MYO1E: variants seen among roughly 807,000 people sequenced by gnomAD.
MYO1E encodes unconventional myosin-Ie.
In MYO1E, 68 loss-of-function variants were observed where a neutral mutation model predicts 151.1. That is an observed-to-expected ratio of 0.45 (90% CI 0.37 to 0.55). MYO1E has a LOEUF of 0.55. MYO1E is among the 20% of genes least tolerant of loss of function. The probability of loss-of-function intolerance (pLI) is 0.00; values close to 1 mark genes in which losing one functional copy is unlikely to be tolerated. For missense variants in MYO1E, 1,363 were observed against 1,389.3 expected (o/e 0.98, Z 0.30); for synonymous variants, 601 against 501.7 (o/e 1.20, Z -2.64).
intron 1 of MYO1E, among the ~76,000 whole-genome samples, chr15:59,371,533 T>C (rs559723665): frequency 2.0e-5 from 3 of 149,214 alleles, no homozygotes; most frequent in African/African-American, 7.4e-5. Flanking sequence ...CCAAGGGAGG[T>C]GGCTAAGGTT....
chr15:59,365,258 A>T (rs1175598494), intron 1 of MYO1E, among the ~76,000 whole-genome samples: 1 of 152,042 alleles, frequency 6.6e-6, no homozygotes, highest in Non-Finnish European at 1.5e-5. Flanking sequence ...ACCTCAGGTG[A>T]TCCCTCCACC....
Position 59,372,738 on chromosome 15 carries a change from G to C in MYO1E, c.-238C>G, listed in dbSNP as rs565532409. ...TAGCAGGCGGGGCGCATGCTGCGGA[G>C]GGCAAGAGTCCACTCGTACTCGCCG... On this transcript the variant is annotated 5_prime_UTR_variant, in exon 1 of 28. Coordinates refer to ENST00000288235, the MANE Select transcript of MYO1E (RefSeq NM_004998.4). 3.5e-6 allele frequency: 2 copies of C among 568,122 alleles called. No individual in the cohort carries two copies. Among genetic ancestry groups the C allele is most frequent in the East Asian group, 3.1e-5 (1 of 31,884 alleles). 35.2% of individuals were successfully genotyped at this position (568,122 alleles called of 1,614,324 possible). A position where few individuals can be genotyped will look rare whatever the true frequency, so the allele number is the denominator to read the frequency against.
chr15:59,238,942 G>A (rs543194328), intron 4 of MYO1E, among the ~76,000 whole-genome samples: 5 of 150,962 alleles, frequency 3.3e-5, no homozygotes, highest in African/African-American at 7.3e-5. Flanking sequence ...ACAATGGCTC[G>A]TGCCTGTAAT....
intron 6 of MYO1E, among the ~76,000 whole-genome samples, chr15:59,230,966 T>G (rs1194652002): frequency 2.6e-5 from 4 of 152,228 alleles, no homozygotes; most frequent in Non-Finnish European, 5.9e-5. Flanking sequence ...AAATGTGGCT[T>G]TTGTCAAGGG....
intron 1 of MYO1E, among the ~76,000 whole-genome samples, chr15:59,351,426 T>A (rs1162278915): frequency 2.0e-5 from 3 of 152,190 alleles, no homozygotes; most frequent in African/African-American, 7.2e-5. Context: ...TCACGGAATT[T>A]ATTTGAGAAG....
At chr15:59,321,358 T>C (rs1324634902) in intron 1 of MYO1E, among the ~76,000 whole-genome samples, 1 of 152,202 alleles carries the variant, frequency 6.6e-6, no homozygotes, top group Non-Finnish European at 1.5e-5. Context: ...AATAAATTGT[T>C]CTACCAAAAC....
In MYO1E at chr15:59,136,512, T is replaced by C. The variant is rs771537286; in HGVS notation, c.*868A>G. ...GAAAAAAGCAGAGCACATCTTTAAGTACCTGGTGTGAGTTTTGTAAGAAAA... is the reference window on the plus strand; with the variant it reads ...GAAAAAAGCAGAGCACATCTTTAAGCACCTGGTGTGAGTTTTGTAAGAAAA... On this transcript the variant is annotated 3_prime_UTR_variant, in exon 28 of 28. Coordinates refer to ENST00000288235, the MANE Select transcript of MYO1E (RefSeq NM_004998.4). 3.1e-6 allele frequency: 1 copy of C among 318,464 alleles called. No individual in the cohort carries two copies. The highest frequency in any genetic ancestry group is 2.2e-5 in the African/African-American group (1 of 46,376). 19.7% of individuals were successfully genotyped at this position (318,464 alleles called of 1,614,324 possible).
intron 26 of MYO1E, among the ~76,000 whole-genome samples, chr15:59,150,788 T>G (rs1218607017): frequency 1.3e-5 from 2 of 152,118 alleles, no homozygotes; most frequent in Non-Finnish European, 2.9e-5. Context: ...GAGCATCACC[T>G]GGGAACGTGG....
Position 59,136,681 on chromosome 15 carries a change from G to C in MYO1E, c.*699C>G, listed in dbSNP as rs745787651. The C allele has an allele frequency of 1.5e-5, 7 of 456,326 alleles. No individual in the cohort carries two copies. Among genetic ancestry groups the C allele is most frequent in the African/African-American group, 1.2e-4 (6 of 50,056 alleles). The allele number at this position is 456,326 out of a possible 1,614,324, so 28.3% of individuals were successfully genotyped here. A position where few individuals can be genotyped will look rare whatever the true frequency, so the allele number is the denominator to read the frequency against. ...AAAGATCCTTCTTGTAGTAAGTACAGCATTTAAACACAAACCAATATGGGC... is the reference window on the plus strand; with the variant it reads ...AAAGATCCTTCTTGTAGTAAGTACACCATTTAAACACAAACCAATATGGGC... On this transcript the variant is annotated 3_prime_UTR_variant, in exon 28 of 28. Transcript: ENST00000288235.
chr15:59,236,763 A>C, intron 4 of MYO1E, 91 bp from the exon 5 acceptor site: 7 of 1,199,840 alleles, frequency 5.8e-6, no homozygotes, highest in Non-Finnish European at 8.6e-6. Flanking sequence ...CAAACAAACA[A>C]ACAAAAAAAC....
intron 1 of MYO1E, among the ~76,000 whole-genome samples, chr15:59,300,866 CTTT>C (rs58955743): frequency 0.11 from 14,179 of 126,334 alleles, 662 homozygotes; most frequent in African/African-American, 0.22. Context: ...CCTTTTTTTT[CTTT>C]TTTTTTTTTT....
intron 1 of MYO1E, among the ~76,000 whole-genome samples, chr15:59,325,283 C>T (rs1163118665): frequency 6.6e-6 from 1 of 152,184 alleles, no homozygotes; most frequent in Non-Finnish European, 1.5e-5. Context: ...GATCCACCTA[C>T]CTTGGCCTCC....
rs1276963180 is a variant in MYO1E at position 59,138,324 on chromosome 15, T to G, written c.3124A>C (p.Arg1042=). ...TTSRPPPAGG[R]PKPQPKPKPQ... The stretch of plus-strand genomic sequence containing the variant: ...TTGGGCTTGGGCTGGGGCTTGGGTC[T>G]GCCCCCTGCTGGGGGAGGCCGACTG... The change falls in exon 27 of 28, where the codon AGA becomes CGA. Residue 1042 remains arginine, a synonymous_variant. Transcript: ENST00000288235. 4.3e-6 allele frequency: 7 copies of G among 1,614,106 alleles called. No homozygotes were observed. Among genetic ancestry groups the G allele is most frequent in the Non-Finnish European group, 5.9e-6 (7 of 1,180,036 alleles).
At chr15:59,162,276 C>T (rs1251090999) in intron 23 of MYO1E, among the ~76,000 whole-genome samples, 1 of 152,090 alleles carries the variant, frequency 6.6e-6, no homozygotes, top group Non-Finnish European at 1.5e-5. Flanking sequence ...ATAACTCTTA[C>T]TCAGCAAATA....
intron 16 of MYO1E, among the ~76,000 whole-genome samples, chr15:59,197,627 G>T (rs577241864): frequency 6.6e-6 from 1 of 152,316 alleles, no homozygotes; most frequent in East Asian, 1.9e-4. Context: ...GCATGAAAGA[G>T]AAGTAAGGCT....
intron 4 of MYO1E, among the ~76,000 whole-genome samples, chr15:59,251,211 C>T (rs1435993415): frequency 7.9e-5 from 12 of 152,138 alleles, no homozygotes; most frequent in African/African-American, 2.9e-4. Context: ...GGTGTTCCTC[C>T]TCATAAAATT....
intron 26 of MYO1E, among the ~76,000 whole-genome samples, chr15:59,149,050 T>A (rs2079459447): frequency 1.8e-5 from 1 of 56,938 alleles, no homozygotes; most frequent in Non-Finnish European, 4.3e-5. Context: ...TTTTTTTTTT[T>A]TGTTTTTTTT....
chr15:59,225,081 G>A (rs981839474), intron 7 of MYO1E, among the ~76,000 whole-genome samples: 4 of 152,248 alleles, frequency 2.6e-5, no homozygotes, highest in African/African-American at 9.6e-5. Context: ...ACCCTCGGAA[G>A]AGTGGAAAGC....
At chr15:59,267,656 T>C (rs1249950894) in intron 2 of MYO1E, among the ~76,000 whole-genome samples, 1 of 152,226 alleles carries the variant, frequency 6.6e-6, no homozygotes, top group Non-Finnish European at 1.5e-5. Flanking sequence ...GTGTGGTCTT[T>C]GAGTAAAAAC....
Sources: allele counts gnomAD v4.1 joint callset (sites outside exome capture counted in the v4.1 genomes callset), GRCh38; gene constraint gnomAD v4.1.1; transcripts MANE v1.5; gene names NCBI Gene and HGNC (gene_info 2026-07-23, HGNC 2026-07-21).